The following TAFA5 variants were observed in gnomAD, a reference collection of about 807,000 sequenced individuals.
TAFA5 encodes chemokine-like protein TAFA-5.
TAFA5 carries 6 observed loss-of-function variants against 15.3 expected under a neutral mutation model. The ratio of observed to expected loss-of-function variants is 0.39; its 90% CI spans 0.21 to 0.77. TAFA5 has a LOEUF of 0.77. TAFA5 is among the 30% of genes least tolerant of loss of function. The probability of loss-of-function intolerance (pLI) is 0.41; values close to 1 mark genes in which losing one functional copy is unlikely to be tolerated. For missense variants in TAFA5, 161 were observed against 193.1 expected, an observed-to-expected ratio of 0.83 and a Z score of 0.98; for synonymous variants, 103 against 80.7, an observed-to-expected ratio of 1.28 and a Z score of -1.48.
At chr22:48,609,031 G>C (rs1925301237) in intron 1 of TAFA5, among the ~76,000 whole-genome samples, 1 of 152,206 alleles carries the variant, frequency 6.6e-6, no homozygotes, top group Admixed American at 6.5e-5. Context: ...CATTTGAGTG[G>C]GTTGGGGGAG....
Position 48,489,714 on chromosome 22 carries a change from G to GCGCGGC in TAFA5, c.112+12_112+17dup, listed in dbSNP as rs1928071495. ...CTCATCGCCTACTGCAGTGAGTACCGCGCGGCCCCGGCCCCGGCACGGCCC... is the reference window on the plus strand; with the variant it reads ...CTCATCGCCTACTGCAGTGAGTACCGCGCGGCCGCGGCCCCGGCCCCGGCACGGCCC... On this transcript the variant is annotated intron_variant, in intron 1 of 3. Coordinates refer to ENST00000402357, the MANE Select transcript of TAFA5 (RefSeq NM_001082967.3). The surrounding 1 kb of genome is among the most constrained non-coding windows in gnomAD (Gnocchi z 5.5). 7.0e-7 allele frequency: 1 copy of GCGCGGC among 1,438,480 alleles called. No homozygotes were observed. 89.1% of individuals were successfully genotyped at this position (1,438,480 alleles called of 1,614,324 possible).
intron 1 of TAFA5, among the ~76,000 whole-genome samples, chr22:48,537,934 C>A (rs1188763130): frequency 6.6e-6 from 1 of 152,186 alleles, no homozygotes; most frequent in Non-Finnish European, 1.5e-5. Context: ...CGATGCCTTC[C>A]ATTCCCCCGT....
At chr22:48,718,573 TC>T (rs1049487979) in intron 3 of TAFA5, among the ~76,000 whole-genome samples, 4 of 151,942 alleles carry the variant, frequency 2.6e-5, no homozygotes, top group African/African-American at 9.7e-5. Context: ...CCCAGAGCAC[TC>T]CCCAGAGTAC....
At chr22:48,621,187 C>T in intron 1 of TAFA5, among the ~76,000 whole-genome samples, 1 of 82,338 alleles carries the variant, frequency 1.2e-5, no homozygotes, top group East Asian at 4.2e-4. Flanking sequence ...ATCCACCCCC[C>T]CACCCACACT....
chr22:48,623,989 A>G (rs1925942386), intron 1 of TAFA5, among the ~76,000 whole-genome samples: 1 of 152,174 alleles, frequency 6.6e-6, no homozygotes, highest in African/African-American at 2.4e-5. Context: ...GGTATCCAGA[A>G]TTCCTTAGTT....
chr22:48,638,677 T>C (rs1323308357), intron 1 of TAFA5, among the ~76,000 whole-genome samples: 16 of 105,720 alleles, frequency 1.5e-4, no homozygotes, highest in Non-Finnish European at 2.0e-4. Context: ...ACACAGGCAA[T>C]ACCACCCCCC....
At chr22:48,610,417 A>T (rs1313376723) in intron 1 of TAFA5, among the ~76,000 whole-genome samples, 3 of 152,246 alleles carry the variant, frequency 2.0e-5, no homozygotes, top group African/African-American at 7.2e-5. Flanking sequence ...GCGTATAAAT[A>T]AATCACGACG....
rs1228755668 is a variant in TAFA5, at chr22:48,490,821, ACAC to A, written c.112+1122_112+1124del. 9.1e-6 allele frequency among the ~76,000 whole-genome samples: 1 copy of A among 109,512 alleles called. No homozygotes were observed. The highest frequency in any genetic ancestry group is 5.0e-5 in the African/African-American group (1 of 19,906). The allele number at this position is 109,512 out of a possible 152,430, so 71.8% of individuals were successfully genotyped here. A position where few individuals can be genotyped will look rare whatever the true frequency, so the allele number is the denominator to read the frequency against. On this transcript the variant is annotated intron_variant, in intron 1 of 3. Coordinates refer to ENST00000402357, the MANE Select transcript of TAFA5 (RefSeq NM_001082967.3). This position sits in a 1 kb window ranked among gnomAD's most constrained non-coding sequence, Gnocchi z 5.8. ...GCCAGCACCGAACCTCCCTCCACAG[ACAC>A]CACCTCCTCCAGAGCCCCGGGCCTC...
At chr22:48,733,105 G>A (rs1459963035) in intron 3 of TAFA5, among the ~76,000 whole-genome samples, 4 of 152,108 alleles carry the variant, frequency 2.6e-5, no homozygotes, top group Non-Finnish European at 5.9e-5. Flanking sequence ...GTCTGGAACT[G>A]AACCCACCAT....
intron 2 of TAFA5, among the ~76,000 whole-genome samples, chr22:48,697,929 G>A (rs567929468): frequency 2.2e-4 from 33 of 150,884 alleles, no homozygotes; most frequent in African/African-American, 6.8e-4. Flanking sequence ...TGGTGGTGGT[G>A]GTGATGATGT....
chr22:48,708,646 C>T (rs1328875307), intron 3 of TAFA5, among the ~76,000 whole-genome samples: 2 of 152,220 alleles, frequency 1.3e-5, no homozygotes, highest in African/African-American at 4.8e-5. Flanking sequence ...ATCCTGGCTG[C>T]TCCTCCTTTG....
At chr22:48,608,385 T>G (rs1925277204) in intron 1 of TAFA5, among the ~76,000 whole-genome samples, 1 of 152,054 alleles carries the variant, frequency 6.6e-6, no homozygotes, top group African/African-American at 2.4e-5. Flanking sequence ...TGAAATACGG[T>G]TTTGCCTCTG....
intron 1 of TAFA5, among the ~76,000 whole-genome samples, chr22:48,601,172 A>G (rs1924957188): frequency 6.6e-6 from 1 of 152,236 alleles, no homozygotes; most frequent in Non-Finnish European, 1.5e-5. Flanking sequence ...TTGTATGTAG[A>G]GGACAAAACG....
At chr22:48,715,552 G>A (rs1183222752) in intron 3 of TAFA5, among the ~76,000 whole-genome samples, 3 of 152,222 alleles carry the variant, frequency 2.0e-5, no homozygotes, top group Non-Finnish European at 4.4e-5. Flanking sequence ...CTGGCTCTCA[G>A]CCTTAGGGAC....
chr22:48,683,852 G>A (rs1323920653), intron 2 of TAFA5, among the ~76,000 whole-genome samples: 6 of 152,132 alleles, frequency 3.9e-5, no homozygotes, highest in Admixed American at 3.3e-4. Flanking sequence ...GAGTTCTCAC[G>A]AGATCTGATG....
chr22:48,706,875 T>G (rs1314112428), intron 2 of TAFA5, among the ~76,000 whole-genome samples: 1 of 152,252 alleles, frequency 6.6e-6, no homozygotes, highest in African/African-American at 2.4e-5. Context: ...GAAGTCCTTC[T>G]CGTGCTTTCT....
rs926636796 is a variant in TAFA5 at position 48,719,916 on chromosome 22, A to C, written c.390+12072A>C. Among the ~76,000 whole-genome samples the C allele has an allele frequency of 7.2e-5, 11 of 152,284 alleles. No homozygotes were observed. In the South Asian group the frequency reaches 1.0e-3, roughly 14 times the overall value. ...TCAGCAGAAATGAGCCCAGAAACAA[A>C]AAAAAATTGGTTTGACCAAACCCAC... is the stretch of plus-strand genomic sequence containing the variant. On this transcript the variant is annotated intron_variant, in intron 3 of 3. Transcript: ENST00000402357.
intron 1 of TAFA5, chr22:48,576,562 C>T (rs961777845): frequency 2.7e-6 from 4 of 1,505,880 alleles, no homozygotes; most frequent in Non-Finnish European, 3.6e-6. Flanking sequence ...CGCGCAGTTC[C>T]TCAAAGAAGG....
At chr22:48,659,694 G>T (rs1927366341) in intron 2 of TAFA5, among the ~76,000 whole-genome samples, 2 of 152,206 alleles carry the variant, frequency 1.3e-5, no homozygotes, top group South Asian at 4.1e-4. Flanking sequence ...GCTGTGCTGG[G>T]GGTGGCAGCA....
Sources: gnomAD v4.1 joint callset for allele counts (sites outside exome capture counted in the v4.1 genomes callset) on GRCh38, gnomAD v4.1.1 for gene constraint, Gnocchi (gnomAD v3.1) non-coding constraint, MANE v1.5 for transcripts, NCBI Gene and HGNC (gene_info 2026-07-23, HGNC 2026-07-21) for gene names.